B3GALT1: variants seen among roughly 807,000 people sequenced by gnomAD.
B3GALT1 encodes UDP-Gal:betaGlcNAc beta 1,3-galactosyltransferase, polypeptide 1.
Under a neutral mutation model 23.2 loss-of-function variants are expected in B3GALT1, and 10 were observed. The observed-to-expected ratio is 0.43, with a 90% CI of 0.27 to 0.73. B3GALT1 has a LOEUF of 0.73. Ranked by LOEUF, B3GALT1 falls within the 30% of genes least tolerant of loss-of-function variation. B3GALT1 has a pLI of 0.21. For missense variants in B3GALT1, 299 were observed against 405.4 expected (o/e 0.74, Z 2.25); for synonymous variants, 156 against 141.5 (o/e 1.10, Z -0.73).
At chr2:167,849,404 T>TA (rs1689825040) in intron 4 of B3GALT1, among the ~76,000 whole-genome samples, 2 of 152,094 alleles carry the variant, frequency 1.3e-5, no homozygotes, top group Admixed American at 6.6e-5. Context: ...TGGAACAGAA[T>TA]AGACAACCCA....
chr2:167,341,207 A>G (rs1342716489), intron 1 of B3GALT1, among the ~76,000 whole-genome samples: 1 of 152,214 alleles, frequency 6.6e-6, no homozygotes, highest in African/African-American at 2.4e-5. Context: ...AAACAATTCA[A>G]CAAGGGAAAA....
intron 3 of B3GALT1, among the ~76,000 whole-genome samples, chr2:167,780,466 G>A (rs1208596565): frequency 6.6e-6 from 1 of 152,208 alleles, no homozygotes; most frequent in Non-Finnish European, 1.5e-5. Context: ...TATAACACTT[G>A]TTCATTGGCA....
In B3GALT1 at chr2:167,869,072, G is replaced by T; in HGVS notation, c.33G>T (p.Leu11Phe). 1 of 1,612,398 alleles carries T rather than the reference G, an allele frequency of 6.2e-7. No homozygotes were observed. Among genetic ancestry groups the T allele is most frequent in the Non-Finnish European group, 8.5e-7 (1 of 1,179,148 alleles). The stretch of plus-strand genomic sequence containing the variant: ...CAAAGGTCTCCTGTTTGTATGTTTT[G>T]ACAGTTGTGTGCTGGGCCAGCGCTC... Reference protein sequence around the residue: MASKVSCLYVLTVVCWASALW... With the variant: MASKVSCLYVFTVVCWASALW... Residue 11 changes from leucine (L) to phenylalanine (F), a missense_variant, in exon 5 of 5, where the codon TTG (leucine) becomes TTT (phenylalanine). Physicochemically the swap from Leu to Phe is conservative, Grantham distance 22. Coordinates refer to ENST00000392690, the MANE Select transcript of B3GALT1 (RefSeq NM_020981.4). This position sits in a 1 kb window ranked among gnomAD's most constrained non-coding sequence, Gnocchi z 6.4.
At chr2:167,657,991 C>T (rs928728581) in intron 3 of B3GALT1, among the ~76,000 whole-genome samples, 1 of 151,990 alleles carries the variant, frequency 6.6e-6, no homozygotes, top group Non-Finnish European at 1.5e-5. Context: ...GGAAGAGATT[C>T]ATTCCCACCA....
At chr2:167,620,339 A>G (rs1245923447) in intron 2 of B3GALT1, among the ~76,000 whole-genome samples, 2 of 152,100 alleles carry the variant, frequency 1.3e-5, no homozygotes, top group Non-Finnish European at 2.9e-5. Context: ...CCCATAGTAT[A>G]CAAGAGAAAG....
At chr2:167,590,249 A>T (rs1033130758) in intron 2 of B3GALT1, among the ~76,000 whole-genome samples, 3 of 151,586 alleles carry the variant, frequency 2.0e-5, no homozygotes, top group African/African-American at 4.9e-5. Flanking sequence ...GGGAGGTTGA[A>T]GCAGGAGAAT....
intron 2 of B3GALT1, among the ~76,000 whole-genome samples, chr2:167,558,765 A>G (rs974983138): frequency 1.3e-5 from 2 of 152,296 alleles, no homozygotes; most frequent in South Asian, 2.1e-4. Flanking sequence ...AGGGGCGCCC[A>G]CCATTGCCCA....
chr2:167,415,104 T>C (rs1698447872), intron 1 of B3GALT1, among the ~76,000 whole-genome samples: 1 of 152,202 alleles, frequency 6.6e-6, no homozygotes, highest in Admixed American at 6.5e-5. Flanking sequence ...ATGATTTGAA[T>C]GTTTGTCCCC....
chr2:167,394,274 C>A (rs1392627341), intron 1 of B3GALT1, among the ~76,000 whole-genome samples: 1 of 152,160 alleles, frequency 6.6e-6, no homozygotes, highest in Non-Finnish European at 1.5e-5. Context: ...GTCAAACACT[C>A]TTCGTTTTCT....
chr2:167,459,643 A>G (rs1168512851), intron 1 of B3GALT1, among the ~76,000 whole-genome samples: 7 of 152,172 alleles, frequency 4.6e-5, no homozygotes, highest in African/African-American at 1.4e-4. Flanking sequence ...ACAAGTCATT[A>G]TTATAATAAT....
intron 4 of B3GALT1, among the ~76,000 whole-genome samples, chr2:167,825,051 C>A (rs150327635): frequency 0.029 from 4,453 of 151,842 alleles, 232 homozygotes; most frequent in African/African-American, 0.1. Flanking sequence ...TTTGGAAGGC[C>A]GAGGTGGGCA....
intron 3 of B3GALT1, among the ~76,000 whole-genome samples, chr2:167,665,663 G>C (rs1686164589): frequency 6.6e-6 from 1 of 152,052 alleles, no homozygotes; most frequent in African/African-American, 2.4e-5. Flanking sequence ...TCTATTCAGA[G>C]ATTCAACTTC....
intron 2 of B3GALT1, among the ~76,000 whole-genome samples, chr2:167,551,013 C>T (rs543721593): frequency 1.3e-5 from 2 of 150,300 alleles, no homozygotes; most frequent in Non-Finnish European, 2.9e-5. Context: ...CAGACCTCTA[C>T]TGGATATTCT....
At chr2:167,635,828 GA>G (rs1558932218) in intron 2 of B3GALT1, among the ~76,000 whole-genome samples, 1 of 151,980 alleles carries the variant, frequency 6.6e-6, no homozygotes, top group Non-Finnish European at 1.5e-5. Context: ...TTTCTTCACA[GA>G]ATTAGAAAAA....
At chr2:167,320,544 AT>A (rs1559064814) in intron 1 of B3GALT1, among the ~76,000 whole-genome samples, 1 of 152,016 alleles carries the variant, frequency 6.6e-6, no homozygotes, top group East Asian at 1.9e-4. Flanking sequence ...TTCTAGATTC[AT>A]TGTAGAGCTG....
intron 3 of B3GALT1, among the ~76,000 whole-genome samples, chr2:167,778,035 T>G (rs1382379936): frequency 6.6e-6 from 1 of 152,048 alleles, no homozygotes. Context: ...TTGTCAATAG[T>G]TCTAAGCTTG....
chr2:167,753,842 C>T (rs1004393798), intron 3 of B3GALT1, among the ~76,000 whole-genome samples: 12 of 152,186 alleles, frequency 7.9e-5, no homozygotes, highest in Non-Finnish European at 8.8e-5. Flanking sequence ...GATTCATTCA[C>T]TTAGCCTCTC....
At chr2:167,748,930 A>G (rs935898580) in intron 3 of B3GALT1, among the ~76,000 whole-genome samples, 1 of 152,138 alleles carries the variant, frequency 6.6e-6, no homozygotes, top group Non-Finnish European at 1.5e-5. Flanking sequence ...AGCAACTACT[A>G]TGTTCCAGGC....
intron 3 of B3GALT1, among the ~76,000 whole-genome samples, chr2:167,755,032 G>C (rs954123128): frequency 1.3e-5 from 2 of 152,128 alleles, no homozygotes; most frequent in African/African-American, 2.4e-5. Flanking sequence ...ATGTTGTAGG[G>C]GGCGGGGTGA....
Sources: gnomAD v4.1 joint callset for allele counts (sites outside exome capture counted in the v4.1 genomes callset) on GRCh38, gnomAD v4.1.1 for gene constraint, Gnocchi (gnomAD v3.1) non-coding constraint, MANE v1.5 for transcripts, NCBI Gene and HGNC (gene_info 2026-07-23, HGNC 2026-07-21) for gene names.